DUSP19: variants seen among roughly 807,000 people sequenced by gnomAD.
The protein encoded by DUSP19 is dual specificity protein phosphatase 19.
In DUSP19, 14 loss-of-function variants were observed where a neutral mutation model predicts 16.6. That is an observed-to-expected ratio of 0.84 (90% confidence interval 0.56 to 1.32). DUSP19 has a LOEUF of 1.32. Ranked by LOEUF, DUSP19 falls within the 40% of genes most tolerant of loss-of-function variation. DUSP19 has a pLI of 0.00. For synonymous variants in DUSP19, 81 were observed against 90.5 expected, an observed-to-expected ratio of 0.90 and a Z score of 0.59; for missense variants, 258 against 255.9, an observed-to-expected ratio of 1.01 and a Z score of -0.06.
rs1301289361 is a variant in DUSP19 at position 183,083,548 on chromosome 2, G to C, written c.267G>C (p.Lys89Asn). The C allele has an allele frequency of 6.2e-6, 10 of 1,610,732 alleles. No individual in the cohort carries two copies. Among genetic ancestry groups the C allele is most frequent in the Non-Finnish European group, 8.5e-6 (10 of 1,178,554 alleles). ...CTCATGATTTGGATACACTGAAAAA[G>C]AATAAGGTAAAAAAATGCTTTAAGT... ...DAAHDLDTLK[K>N]NKVTHILNVA... Residue 89 changes from lysine to asparagine, a missense_variant, in exon 2 of 4, where the codon AAG becomes AAC. Physicochemically the swap from Lys to Asn is moderately conservative, Grantham distance 94. Coordinates refer to ENST00000354221, the MANE Select transcript of DUSP19 (RefSeq NM_080876.4).
At chr2:183,094,931 A>G (rs1202904480) in intron 3 of DUSP19, among the ~76,000 whole-genome samples, 1 of 152,116 alleles carries the variant, frequency 6.6e-6, no homozygotes, top group Non-Finnish European at 1.5e-5. Context: ...GTTTCCACAT[A>G]TATTTCCTGT....
chr2:183,081,481 G>A (rs1446168301), intron 1 of DUSP19, among the ~76,000 whole-genome samples: 1 of 152,126 alleles, frequency 6.6e-6, no homozygotes, highest in African/African-American at 2.4e-5. Context: ...TCCTGGGCTT[G>A]AGCAGTCTGC....
intron 3 of DUSP19, among the ~76,000 whole-genome samples, chr2:183,094,737 G>A (rs1401685999): frequency 1.3e-5 from 2 of 152,118 alleles, no homozygotes; most frequent in African/African-American, 4.8e-5. Context: ...TACATCGTAA[G>A]TTTAAATATT....
At position 183,095,907 on chromosome 2, in the gene DUSP19, T is replaced by C. The variant is rs1699795732; in HGVS notation, c.*249T>C. 2 of 276,470 alleles carry C rather than the reference T, an allele frequency of 7.2e-6. No homozygotes were observed. The highest frequency in any genetic ancestry group is 1.3e-5 in the Non-Finnish European group (2 of 148,254). 17.1% of individuals were successfully genotyped at this position (276,470 alleles called of 1,614,324 possible). ...ATTGCTAAGGGAAAATAACAAAGTG[T>C]TAGTAATCATTGCTTTCTGTAGAAG... On this transcript the variant is annotated 3_prime_UTR_variant, in exon 4 of 4. Coordinates refer to ENST00000354221, the MANE Select transcript of DUSP19 (RefSeq NM_080876.4).
Position 183,083,547 on chromosome 2 carries a change from A to G in DUSP19, c.266A>G (p.Lys89Arg), listed in dbSNP as rs780560516. Residue 89 changes from lysine (K) to arginine (R), a missense_variant, in exon 2 of 4, where the codon AAG becomes AGG. Coordinates refer to ENST00000354221, the MANE Select transcript of DUSP19 (RefSeq NM_080876.4). The stretch of plus-strand genomic sequence containing the variant: ...GCTCATGATTTGGATACACTGAAAA[A>G]GAATAAGGTAAAAAAATGCTTTAAG... ...DAAHDLDTLK[K>R]NKVTHILNVA... 3 of 1,611,416 alleles carry G rather than the reference A, an allele frequency of 1.9e-6. No homozygotes were observed. Among genetic ancestry groups the G allele is most frequent in the Non-Finnish European group, 2.5e-6 (3 of 1,178,818 alleles).
intron 1 of DUSP19, among the ~76,000 whole-genome samples, chr2:183,080,937 T>C (rs1026693622): frequency 6.6e-6 from 1 of 152,342 alleles, no homozygotes; most frequent in Non-Finnish European, 1.5e-5. Context: ...GAGTTGTTTC[T>C]GACCAGACTT....
chr2:183,079,035 A>G lies in DUSP19; in HGVS notation c.102A>G (p.Thr34=), dbSNP rs761623186. The change falls in exon 1 of 4, where the codon ACA becomes ACG. Residue 34 remains threonine (T), a synonymous_variant. Coordinates refer to ENST00000354221, the MANE Select transcript of DUSP19 (RefSeq NM_080876.4). ...TAACTGGAAAGAAAATTATAGAAAC[A>G]TGGAAAGATGCCAGAATTCATGTTG... ...TTLTGKKIIE[T]WKDARIHVVE... 1 of 1,614,154 alleles carries G rather than the reference A, an allele frequency of 6.2e-7. No homozygotes were observed. Among genetic ancestry groups the G allele is most frequent in the Admixed American group, 1.7e-5 (1 of 60,012 alleles).
chr2:183,095,557 C>G lies in DUSP19; in HGVS notation c.553C>G (p.Pro185Ala). ...SAFSLVKNAR[P>A]SICPNSGFME... is the part of the protein sequence containing the mutation. ...TTTTTCTTTGGTGAAAAATGCAAGACCTTCCATATGTCCAAATTCTGGCTT... is the reference window on the plus strand; with the variant it reads ...TTTTTCTTTGGTGAAAAATGCAAGAGCTTCCATATGTCCAAATTCTGGCTT... The change falls in exon 4 of 4, where the codon CCT (proline) becomes GCT (alanine). Residue 185 changes from proline (P) to alanine (A), a missense_variant. Transcript: ENST00000354221. 1 of 1,613,874 alleles carries G rather than the reference C, an allele frequency of 6.2e-7. No individual in the cohort carries two copies. Among genetic ancestry groups the G allele is most frequent in the African/African-American group, 1.3e-5 (1 of 74,988 alleles).
chr2:183,082,943 C>T (rs1405256419), intron 1 of DUSP19, among the ~76,000 whole-genome samples: 2 of 149,876 alleles, frequency 1.3e-5, no homozygotes, highest in East Asian at 2.0e-4. Context: ...GCTGTGTCAC[C>T]GAGGCTGGAG....
At chr2:183,093,101 G>A (rs1699753767) in intron 3 of DUSP19, among the ~76,000 whole-genome samples, 1 of 152,116 alleles carries the variant, frequency 6.6e-6, no homozygotes, top group African/African-American at 2.4e-5. Context: ...GAAGATGTGA[G>A]GGATACACAT....
intron 2 of DUSP19, among the ~76,000 whole-genome samples, chr2:183,084,439 G>T (rs946408596): frequency 5.4e-5 from 8 of 149,346 alleles, no homozygotes; most frequent in African/African-American, 2.0e-4. Context: ...AAAAAAAAAA[G>T]AAAGTAAAGT....
At chr2:183,080,169 A>G (rs971331313) in intron 1 of DUSP19, among the ~76,000 whole-genome samples, 11 of 152,312 alleles carry the variant, frequency 7.2e-5, no homozygotes, top group Admixed American at 1.3e-4. Context: ...CACATAGACC[A>G]AGTTTTCAAT....
chr2:183,091,624 A>G (rs909171803), intron 3 of DUSP19, among the ~76,000 whole-genome samples: 1 of 152,214 alleles, frequency 6.6e-6, no homozygotes, highest in Non-Finnish European at 1.5e-5. Flanking sequence ...ATTGGTTGCA[A>G]AAAGCAACCA....
chr2:183,092,441 G>A (rs1458024505), intron 3 of DUSP19, among the ~76,000 whole-genome samples: 2 of 152,034 alleles, frequency 1.3e-5, no homozygotes, highest in African/African-American at 4.8e-5. Flanking sequence ...CGCTCCATGT[G>A]TCTATGTGTT....
At chr2:183,082,969 A>G (rs939494445) in intron 1 of DUSP19, among the ~76,000 whole-genome samples, 1 of 151,086 alleles carries the variant, frequency 6.6e-6, no homozygotes, top group Non-Finnish European at 1.5e-5. Flanking sequence ...TGGCATAACC[A>G]TAGCTTACTG....
chr2:183,081,447 A>T (rs1205102509), intron 1 of DUSP19, among the ~76,000 whole-genome samples: 1 of 152,038 alleles, frequency 6.6e-6, no homozygotes, highest in Admixed American at 6.6e-5. Context: ...CGGTTTTACC[A>T]TGTTGCCCAA....
At chr2:183,094,382 C>G (rs937543553) in intron 3 of DUSP19, among the ~76,000 whole-genome samples, 2 of 152,112 alleles carry the variant, frequency 1.3e-5, no homozygotes, top group Admixed American at 1.3e-4. Context: ...CCCTCCTGCT[C>G]TCGTCTTTTT....
rs1414388857 is a variant in DUSP19 at position 183,078,954 on chromosome 2, A to T, written c.21A>T (p.Glu7Asp). The T allele has an allele frequency of 1.2e-6, 2 of 1,614,020 alleles. 1 individual carries two copies. Among genetic ancestry groups the T allele is most frequent in the Non-Finnish European group, 1.7e-6 (2 of 1,180,024 alleles). Residue 7 changes from glutamate (E) to aspartate (D), a missense_variant, in exon 1 of 4, where the codon GAA becomes GAT. Coordinates refer to ENST00000354221, the MANE Select transcript of DUSP19 (RefSeq NM_080876.4). MYSLNQ[E>D]IKAFSRNNLR... is the part of the protein sequence containing the mutation. ...ATGTAATGTACTCCCTTAACCAGGAAATTAAAGCATTCTCCCGGAATAATC... is the reference window on the plus strand; with the variant it reads ...ATGTAATGTACTCCCTTAACCAGGATATTAAAGCATTCTCCCGGAATAATC...
chr2:183,087,265 T>G, intron 3 of DUSP19, 73 bp downstream of exon 3: 1 of 1,344,162 alleles, frequency 7.4e-7, no homozygotes. Flanking sequence ...CCAATCTTTA[T>G]TATTTTTATA....
Sources: allele counts gnomAD v4.1 joint callset (sites outside exome capture counted in the v4.1 genomes callset), GRCh38; gene constraint gnomAD v4.1.1; transcripts MANE v1.5; gene names NCBI Gene and HGNC (gene_info 2026-07-23, HGNC 2026-07-21).